Variants in MYO1E observed in about 807,000 individuals in gnomAD.
MYO1E encodes myosin IE.
A neutral mutation model predicts 151.1 loss-of-function variants in MYO1E; 68 were observed. The ratio of observed to expected loss-of-function variants is 0.45; its 90% CI spans 0.37 to 0.55. The LOEUF (loss-of-function observed/expected upper bound fraction) is 0.55, where lower values mean the gene tolerates loss of function less well. Among genes scored for constraint, MYO1E ranks in the 20% least tolerant of loss-of-function variants. MYO1E has a pLI of 0.00. For synonymous variants in MYO1E, 601 were observed against 501.7 expected, an observed-to-expected ratio of 1.20 and a Z score of -2.64; for missense variants, 1,363 against 1,389.3, an observed-to-expected ratio of 0.98 and a Z score of 0.30.
intron 1 of MYO1E, among the ~76,000 whole-genome samples, chr15:59,311,651 G>A (rs147061260): frequency 6.6e-6 from 1 of 152,286 alleles, no homozygotes; most frequent in East Asian, 1.9e-4. Context: ...AAGCCCAGTT[G>A]GTGTTATAGG....
chr15:59,205,755 C>G (rs1197783031), intron 14 of MYO1E, among the ~76,000 whole-genome samples: 1 of 152,178 alleles, frequency 6.6e-6, no homozygotes, highest in African/African-American at 2.4e-5. Flanking sequence ...GATGGCCCAG[C>G]TGATCCGTAA....
chr15:59,316,845 G>C (rs1020979429), intron 1 of MYO1E, among the ~76,000 whole-genome samples: 1 of 152,162 alleles, frequency 6.6e-6, no homozygotes, highest in African/African-American at 2.4e-5. Context: ...TGCAACTATA[G>C]CAGGGAAATA....
intron 1 of MYO1E, among the ~76,000 whole-genome samples, chr15:59,355,223 G>A (rs2080846723): frequency 1.3e-5 from 2 of 152,130 alleles, no homozygotes; most frequent in Admixed American, 6.5e-5. Flanking sequence ...TCCAACCAAG[G>A]AGGATGGAAT....
chr15:59,372,857 C>T lies in MYO1E; in HGVS notation c.-357G>A, dbSNP rs1029148247. On this transcript the variant is annotated 5_prime_UTR_variant, in exon 1 of 28. Coordinates refer to ENST00000288235, the MANE Select transcript of MYO1E (RefSeq NM_004998.4). Reference sequence around the variant, plus strand: ...TTCTTCGGCCACTTAATCCGTACTCCTCTGGCTGAGTCTCGGCTCGGGCCG... The same window carrying T: ...TTCTTCGGCCACTTAATCCGTACTCTTCTGGCTGAGTCTCGGCTCGGGCCG... 9 of 364,692 alleles carry T rather than the reference C, an allele frequency of 2.5e-5. No individual in the cohort carries two copies. Among genetic ancestry groups the T allele is most frequent in the African/African-American group, 8.6e-5 (4 of 46,748 alleles). 22.6% of individuals were successfully genotyped at this position (364,692 alleles called of 1,614,324 possible).
intron 3 of MYO1E, among the ~76,000 whole-genome samples, chr15:59,260,562 G>A (rs560856201): frequency 4.8e-4 from 73 of 152,294 alleles, no homozygotes; most frequent in South Asian, 3.1e-3. Flanking sequence ...GAGGCCTGGG[G>A]AAGTGATGAA....
At chr15:59,236,949 G>A (rs1407949790) in intron 4 of MYO1E, among the ~76,000 whole-genome samples, 1 of 152,122 alleles carries the variant, frequency 6.6e-6, no homozygotes, top group Non-Finnish European at 1.5e-5. Context: ...CAATAATGGG[G>A]GATATGATTA....
At chr15:59,269,472 G>A (rs1398088095) in intron 2 of MYO1E, among the ~76,000 whole-genome samples, 3 of 152,120 alleles carry the variant, frequency 2.0e-5, no homozygotes, top group African/African-American at 7.2e-5. Flanking sequence ...TTTTTTGACG[G>A]TGTTAAGTCC....
rs1040890238 is a variant in MYO1E, at chr15:59,167,663, T to G, written c.2480+4234A>C. 2.0e-5 allele frequency among the ~76,000 whole-genome samples: 3 copies of G among 152,266 alleles called. No individual in the cohort carries two copies. The South Asian group carries it at 6.2e-4, about 32-fold the overall frequency. ...AAGCCAGAAATGCAAGCGTCAGTGTTTCACTTTAATTTTTATTTATTTATT... is the reference window on the plus strand; with the variant it reads ...AAGCCAGAAATGCAAGCGTCAGTGTGTCACTTTAATTTTTATTTATTTATT... On this transcript the variant is annotated intron_variant, in intron 22 of 27. Transcript: ENST00000288235.
chr15:59,229,158 T>C lies in MYO1E; in HGVS notation c.511-1568A>G, dbSNP rs376296512. ...CCATTCCTCAACAGTTGAGGGAAAATGAAACCAAACAGAACATCTGACCCA... is the reference window on the plus strand; with the variant it reads ...CCATTCCTCAACAGTTGAGGGAAAACGAAACCAAACAGAACATCTGACCCA... On this transcript the variant is annotated intron_variant, in intron 6 of 27. Transcript: ENST00000288235. 5.9e-5 allele frequency among the ~76,000 whole-genome samples: 9 copies of C among 152,000 alleles called. No individual in the cohort carries two copies. The East Asian group carries it at 1.3e-3, about 23-fold the overall frequency.
chr15:59,293,439 G>T lies in MYO1E; in HGVS notation c.4-20990C>A, dbSNP rs538951516. 4.0e-5 allele frequency among the ~76,000 whole-genome samples: 6 copies of T among 151,818 alleles called. No homozygotes were observed. In the South Asian group the frequency reaches 1.3e-3, roughly 32 times the overall value. ...CAGGCACCTGTAATCCCAGCTACTTGGGAGACCAAGGCAGGAGAATCGCTT... is the reference window on the plus strand; with the variant it reads ...CAGGCACCTGTAATCCCAGCTACTTTGGAGACCAAGGCAGGAGAATCGCTT... On this transcript the variant is annotated intron_variant, in intron 1 of 27. Transcript: ENST00000288235.
intron 22 of MYO1E, among the ~76,000 whole-genome samples, chr15:59,170,339 G>T (rs1238216569): frequency 6.6e-6 from 1 of 152,196 alleles, no homozygotes; most frequent in Non-Finnish European, 1.5e-5. Context: ...TAGAGCTGTG[G>T]TTCCCTGACT....
intron 2 of MYO1E, among the ~76,000 whole-genome samples, chr15:59,264,533 C>T (rs1311970543): frequency 6.6e-6 from 1 of 152,190 alleles, no homozygotes; most frequent in African/African-American, 2.4e-5. Flanking sequence ...ATATTTGGTA[C>T]ATACTTATAG....
rs555828925 is a variant in MYO1E at position 59,195,705 on chromosome 15, C to T, written c.1699-138G>A. ...ATGACAATTTGCTCGTTAAGCATAA[C>T]TCAGGTCTACTAAACTTTCCGAAAG... On this transcript the variant is annotated intron_variant, in intron 16 of 27. Coordinates refer to ENST00000288235, the MANE Select transcript of MYO1E (RefSeq NM_004998.4). The T allele has an allele frequency of 1.9e-5, 16 of 863,294 alleles. No individual in the cohort carries two copies. In the East Asian group the frequency reaches 3.9e-4, roughly 21 times the overall value. 53.5% of individuals were successfully genotyped at this position (863,294 alleles called of 1,614,324 possible).
At chr15:59,165,757 C>T (rs2079559826) in intron 22 of MYO1E, among the ~76,000 whole-genome samples, 1 of 152,226 alleles carries the variant, frequency 6.6e-6, no homozygotes, top group African/African-American at 2.4e-5. Flanking sequence ...AAGTCTAAGC[C>T]TCCTGGCACC....
chr15:59,229,477 G>T (rs1343536620), intron 6 of MYO1E, among the ~76,000 whole-genome samples: 1 of 152,178 alleles, frequency 6.6e-6, no homozygotes, highest in Non-Finnish European at 1.5e-5. Flanking sequence ...ACATATTTAG[G>T]ACTGCTGTAT....
chr15:59,372,386 C>T (rs1357773932), intron 1 of MYO1E, 112 bp downstream of exon 1: 17 of 1,325,772 alleles, frequency 1.3e-5, no homozygotes, highest in Non-Finnish European at 1.8e-5. Context: ...GCTCCCGCGT[C>T]CACCTTCTCC....
chr15:59,147,587 ACT>A (rs1429692042), intron 26 of MYO1E, among the ~76,000 whole-genome samples: 2 of 72,980 alleles, frequency 2.7e-5, no homozygotes, highest in East Asian at 7.3e-4. Flanking sequence ...ACAGAGTGAG[ACT>A]CTGTCTCAAA....
At chr15:59,165,807 G>A (rs1175340666) in intron 22 of MYO1E, among the ~76,000 whole-genome samples, 4 of 152,244 alleles carry the variant, frequency 2.6e-5, no homozygotes, top group Non-Finnish European at 5.9e-5. Flanking sequence ...TAGGTAGAGT[G>A]CATGCAAAAG....
At chr15:59,172,122 C>T (rs979008266) in intron 21 of MYO1E, 80 bp from the exon 22 acceptor site, 21 of 1,524,530 alleles carry the variant, frequency 1.4e-5, no homozygotes, top group East Asian at 9.2e-5. Context: ...TTTCGGAGGC[C>T]GAGGCGGGTG....
Sources: gnomAD v4.1 joint callset for allele counts (sites outside exome capture counted in the v4.1 genomes callset) on GRCh38, gnomAD v4.1.1 for gene constraint, MANE v1.5 for transcripts, NCBI Gene and HGNC (gene_info 2026-07-23, HGNC 2026-07-21) for gene names.